RAG1: variants seen among roughly 807,000 people sequenced by gnomAD.
RAG1 encodes the protein V(D)J recombination-activating protein 1.
Under a neutral mutation model 62.7 loss-of-function variants are expected in RAG1, and 35 were observed. That is an observed-to-expected ratio of 0.56 (90% CI 0.43 to 0.74). RAG1 has a LOEUF of 0.74. RAG1 is among the 30% of genes least tolerant of loss of function. The pLI, the probability that RAG1 is intolerant of heterozygous loss-of-function variation, is 0.00. For synonymous variants in RAG1, 461 were observed against 470.3 expected (o/e 0.98, Z 0.26); for missense variants, 1,169 against 1,278.6 (o/e 0.91, Z 1.31).
intron 3 of RAG1, among the ~76,000 whole-genome samples, chr11:36,542,220 TA>T (rs1442323481): frequency 6.6e-6 from 1 of 152,178 alleles, no homozygotes; most frequent in East Asian, 1.9e-4. Flanking sequence ...TTTGATATCA[TA>T]TAAAAGTCCT....
At chr11:36,562,579 A>G (rs184446368) in intron 3 of RAG1, among the ~76,000 whole-genome samples, 270 of 152,262 alleles carry the variant, frequency 1.8e-3, no homozygotes, top group African/African-American at 6.3e-3. Flanking sequence ...AATAATGGCC[A>G]TGATAACCAT....
chr11:36,544,879 G>T (rs1850371035), intron 3 of RAG1, among the ~76,000 whole-genome samples: 1 of 152,098 alleles, frequency 6.6e-6, no homozygotes, highest in African/African-American at 2.4e-5. Context: ...TCTCTTTTCT[G>T]CAACCATGCT....
At chr11:36,518,580 T>C (rs1860030437) in intron 1 of RAG1, among the ~76,000 whole-genome samples, 1 of 152,254 alleles carries the variant, frequency 6.6e-6, no homozygotes, top group African/African-American at 2.4e-5. Context: ...TTTGCATTTC[T>C]CTGATGGCCA....
At chr11:36,515,932 G>A (rs556523601) in intron 1 of RAG1, among the ~76,000 whole-genome samples, 5 of 152,212 alleles carry the variant, frequency 3.3e-5, no homozygotes, top group African/African-American at 9.6e-5. Context: ...CTCCTTCTCC[G>A]TTGTCTTCCC....
At chr11:36,547,539 T>C (rs927786104) in intron 3 of RAG1, among the ~76,000 whole-genome samples, 1 of 152,122 alleles carries the variant, frequency 6.6e-6, no homozygotes, top group African/African-American at 2.4e-5. Flanking sequence ...AATGGATAAA[T>C]TCATGGACAC....
At chr11:36,511,516 T>TGGCTC (rs1859922270) in intron 1 of RAG1, among the ~76,000 whole-genome samples, 2 of 152,200 alleles carry the variant, frequency 1.3e-5, no homozygotes, top group African/African-American at 2.4e-5. Flanking sequence ...CAATAAATGT[T>TGGCTC]ACCAATACTA....
chr11:36,537,399 A>G (rs951422685), downstream of RAG1, among the ~76,000 whole-genome samples: 2 of 152,180 alleles, frequency 1.3e-5, no homozygotes, highest in African/African-American at 2.4e-5. Context: ...TCATGGGTGT[A>G]TATACATGTC....
At chr11:36,560,785 C>T (rs1430051837) in intron 3 of RAG1, among the ~76,000 whole-genome samples, 1 of 152,128 alleles carries the variant, frequency 6.6e-6, no homozygotes, top group Non-Finnish European at 1.5e-5. Flanking sequence ...TCCCCCTTTT[C>T]CCCACTATAG....
At chr11:36,562,369 T>G (rs1455144634) in intron 3 of RAG1, among the ~76,000 whole-genome samples, 1 of 152,210 alleles carries the variant, frequency 6.6e-6, no homozygotes, top group Non-Finnish European at 1.5e-5. Context: ...TTTAACTCAC[T>G]TAATTCTGCC....
chr11:36,577,738 T>C lies in RAG1; in HGVS notation c.*1302T>C, dbSNP rs570002672. The C allele has an allele frequency of 6.0e-6, 1 of 167,214 alleles. No individual in the cohort carries two copies. The highest frequency in any genetic ancestry group is 2.1e-4 in the South Asian group (1 of 4,828). The allele number at this position is 167,214 out of a possible 1,614,324, so 10.4% of individuals were successfully genotyped here. On this transcript the variant is annotated 3_prime_UTR_variant, in exon 2 of 2. Transcript: ENST00000299440. ...GGGTAATAAATACTTGGCTTGGAAA[T>C]TTAACACAGTCCTTTTGTCTCCAAA...
At chr11:36,522,803 T>A (rs1207130688) in intron 2 of RAG1, among the ~76,000 whole-genome samples, 1 of 152,224 alleles carries the variant, frequency 6.6e-6, no homozygotes, top group Non-Finnish European at 1.5e-5. Context: ...TGCATCAGTG[T>A]GACCTGGATT....
chr11:36,562,344 A>G (rs998055941), intron 3 of RAG1, among the ~76,000 whole-genome samples: 2 of 152,162 alleles, frequency 1.3e-5, no homozygotes, highest in Admixed American at 1.3e-4. Context: ...ACGGTGTGCA[A>G]AGCATCTCAA....
At chr11:36,572,353 A>C (rs368490976) in intron 1 of RAG1, among the ~76,000 whole-genome samples, 2 of 152,218 alleles carry the variant, frequency 1.3e-5, no homozygotes, top group African/African-American at 4.8e-5. Flanking sequence ...CGATCTGTGC[A>C]TTACAACTCA....
chr11:36,562,805 C>T (rs1850608521), intron 3 of RAG1, among the ~76,000 whole-genome samples: 1 of 152,128 alleles, frequency 6.6e-6, no homozygotes, highest in Non-Finnish European at 1.5e-5. Flanking sequence ...AGTAGAAGAT[C>T]AAAGTTTGAT....
chr11:36,534,534 A>G (rs1276962827), intron 2 of RAG1, among the ~76,000 whole-genome samples: 2 of 152,188 alleles, frequency 1.3e-5, no homozygotes, highest in Non-Finnish European at 2.9e-5. Context: ...GCCATACTGG[A>G]TATTTTCCAC....
chr11:36,571,504 G>A (rs1850743522), intron 1 of RAG1, among the ~76,000 whole-genome samples: 1 of 152,170 alleles, frequency 6.6e-6, no homozygotes, highest in African/African-American at 2.4e-5. Context: ...TGAGACATTT[G>A]AAATGGCCGT....
chr11:36,551,273 C>T (rs1426930039), intron 3 of RAG1, among the ~76,000 whole-genome samples: 1 of 152,072 alleles, frequency 6.6e-6, no homozygotes, highest in East Asian at 1.9e-4. Context: ...ATGTGTGTAT[C>T]ATAGGTCTTT....
rs1850865693 is a variant in RAG1, at chr11:36,577,218, A to G, written c.*782A>G. 6.0e-6 allele frequency: 1 copy of G among 166,956 alleles called. No individual in the cohort carries two copies. Among genetic ancestry groups the G allele is most frequent in the South Asian group, 2.1e-4 (1 of 4,836 alleles). The allele number at this position is 166,956 out of a possible 1,614,324, so 10.3% of individuals were successfully genotyped here. A position where few individuals can be genotyped will look rare whatever the true frequency, so the allele number is the denominator to read the frequency against. The stretch of plus-strand genomic sequence containing the variant: ...TCTGATAATATATGTTTACTTAGCT[A>G]TCAGAAGCCAAGTATGATTCTTTAT... On this transcript the variant is annotated 3_prime_UTR_variant, in exon 2 of 2. Coordinates refer to ENST00000299440, the MANE Select transcript of RAG1 (RefSeq NM_000448.3).
intron 3 of RAG1, among the ~76,000 whole-genome samples, chr11:36,547,368 T>C (rs377407729): frequency 1.5e-4 from 23 of 152,144 alleles, no homozygotes; most frequent in African/African-American, 4.3e-4. Flanking sequence ...ACAAAATGGA[T>C]AGACTGCTAG....
Sources: gnomAD v4.1 joint callset for allele counts (sites outside exome capture counted in the v4.1 genomes callset) on GRCh38, gnomAD v4.1.1 for gene constraint, MANE v1.5 for transcripts, NCBI Gene and HGNC (gene_info 2026-07-23, HGNC 2026-07-21) for gene names.